The following SNTG1 variants were observed in gnomAD, a reference collection of about 807,000 sequenced individuals.
SNTG1 encodes syntrophin gamma 1.
Under a neutral mutation model 74.7 loss-of-function variants are expected in SNTG1, and 39 were observed. The ratio of observed to expected loss-of-function variants is 0.52; its 90% CI spans 0.40 to 0.68. SNTG1 has a LOEUF of 0.68. Among genes scored for constraint, SNTG1 ranks in the 30% least tolerant of loss-of-function variants. The probability of loss-of-function intolerance (pLI) is 0.00; values close to 1 mark genes in which losing one functional copy is unlikely to be tolerated. For synonymous variants in SNTG1, 254 were observed against 217.1 expected, an observed-to-expected ratio of 1.17 and a Z score of -1.49; for missense variants, 685 against 609.5, an observed-to-expected ratio of 1.12 and a Z score of -1.30.
intron 2 of SNTG1, among the ~76,000 whole-genome samples, chr8:50,319,056 A>G (rs35370354): frequency 1.3e-5 from 2 of 152,068 alleles, no homozygotes; most frequent in African/African-American, 4.8e-5. Context: ...ATCTATGTAT[A>G]CAGATATATA....
chr8:50,462,945 T>C (rs925565855), intron 8 of SNTG1, among the ~76,000 whole-genome samples: 1 of 151,430 alleles, frequency 6.6e-6, no homozygotes, highest in Non-Finnish European at 1.5e-5. Flanking sequence ...GCCTCCCAAG[T>C]AGCTCGGACT....
intron 2 of SNTG1, among the ~76,000 whole-genome samples, chr8:50,255,484 C>T (rs2086839826): frequency 6.6e-6 from 1 of 152,054 alleles, no homozygotes. Context: ...CCTCATAGTT[C>T]TAGAGACTAG....
At chr8:50,415,143 G>A (rs531302694) in intron 4 of SNTG1, among the ~76,000 whole-genome samples, 2 of 152,162 alleles carry the variant, frequency 1.3e-5, no homozygotes, top group African/African-American at 2.4e-5. Flanking sequence ...GAAATTTTTC[G>A]TGAGTGAACA....
At chr8:50,353,915 C>G (rs534700267) in intron 2 of SNTG1, among the ~76,000 whole-genome samples, 52 of 152,312 alleles carry the variant, frequency 3.4e-4, no homozygotes, top group African/African-American at 1.2e-3. Flanking sequence ...AGTATTTTAA[C>G]TGGTCTCAAA....
In SNTG1 at chr8:50,450,605, C is replaced by T. The variant is rs1433257453; in HGVS notation, c.321+6C>T. Reference sequence around the variant, plus strand: ...TTGGAGATGCAATTCTACAGGTATACATTTTATCACTATATGTGTGGTCAA... The same window carrying T: ...TTGGAGATGCAATTCTACAGGTATATATTTTATCACTATATGTGTGGTCAA... On this transcript the variant is annotated splice_donor_region_variant and intron_variant, in intron 7 of 18. Transcript: ENST00000642720. 9 of 1,613,352 alleles carry T rather than the reference C, an allele frequency of 5.6e-6. No homozygotes were observed. Among genetic ancestry groups the T allele is most frequent in the Middle Eastern group, 1.6e-4 (1 of 6,076 alleles).
intron 1 of SNTG1, among the ~76,000 whole-genome samples, chr8:50,023,587 T>C (rs921647765): frequency 6.6e-6 from 1 of 152,174 alleles, no homozygotes; most frequent in African/African-American, 2.4e-5. Flanking sequence ...GAAAATTTCA[T>C]GCCATTCCTG....
intron 12 of SNTG1, 25 bp from the exon 13 acceptor site, chr8:50,590,853 CT>C: frequency 6.8e-7 from 1 of 1,473,938 alleles, no homozygotes; most frequent in Non-Finnish European, 9.3e-7. Context: ...GTTCTTCTCA[CT>C]TTTATTATTT....
chr8:50,662,215 A>G (rs932403998), intron 15 of SNTG1, among the ~76,000 whole-genome samples: 2 of 152,206 alleles, frequency 1.3e-5, no homozygotes, highest in African/African-American at 4.8e-5. Flanking sequence ...TTCTGCCTCC[A>G]GAAAATGGAT....
At chr8:50,410,255 G>T (rs146087559) in intron 4 of SNTG1, among the ~76,000 whole-genome samples, 40 of 152,248 alleles carry the variant, frequency 2.6e-4, no homozygotes, top group African/African-American at 9.4e-4. Flanking sequence ...GGGAGGCATG[G>T]TGTGTGCAGG....
At chr8:50,015,188 G>A (rs1361089805) in intron 1 of SNTG1, among the ~76,000 whole-genome samples, 2 of 151,940 alleles carry the variant, frequency 1.3e-5, no homozygotes, top group Non-Finnish European at 2.9e-5. Context: ...TCAAGAAAGA[G>A]ATCAAAATAA....
At chr8:50,112,236 G>A (rs1245413771) in intron 1 of SNTG1, among the ~76,000 whole-genome samples, 1 of 151,992 alleles carries the variant, frequency 6.6e-6, no homozygotes, top group Non-Finnish European at 1.5e-5. Flanking sequence ...TATAATTTTA[G>A]TTAATTAAAT....
intron 1 of SNTG1, among the ~76,000 whole-genome samples, chr8:49,935,151 G>C (rs1446685053): frequency 6.6e-6 from 1 of 151,098 alleles, no homozygotes; most frequent in Non-Finnish European, 1.5e-5. Flanking sequence ...ACTTATTCCA[G>C]ACTTGCTAAA....
intron 1 of SNTG1, among the ~76,000 whole-genome samples, chr8:50,137,339 C>T (rs1215197708): frequency 6.6e-6 from 1 of 152,126 alleles, no homozygotes; most frequent in African/African-American, 2.4e-5. Flanking sequence ...TCTGAGTCCC[C>T]CATCTCATTG....
At chr8:50,672,203 A>T (rs1181479006) in intron 15 of SNTG1, among the ~76,000 whole-genome samples, 2 of 151,852 alleles carry the variant, frequency 1.3e-5, no homozygotes, top group Admixed American at 6.6e-5. Flanking sequence ...ATAATAATAA[A>T]AAAAAATGTC....
chr8:49,926,684 A>G (rs1807059815), intron 1 of SNTG1, among the ~76,000 whole-genome samples: 1 of 152,178 alleles, frequency 6.6e-6, no homozygotes, highest in African/African-American at 2.4e-5. Flanking sequence ...TGGTATGGCA[A>G]TGACTTTTTG....
chr8:50,601,189 TGTTAG>T (rs2094772462), intron 13 of SNTG1, among the ~76,000 whole-genome samples: 1 of 113,748 alleles, frequency 8.8e-6, no homozygotes, highest in Non-Finnish European at 1.6e-5. Flanking sequence ...AAAAAAGACA[TGTTAG>T]GCTATTAAGC....
chr8:49,943,016 C>T (rs959443997), intron 1 of SNTG1, among the ~76,000 whole-genome samples: 3 of 152,200 alleles, frequency 2.0e-5, no homozygotes, highest in African/African-American at 7.2e-5. Context: ...TCCTCTCCAC[C>T]ATTTGATGTT....
intron 1 of SNTG1, among the ~76,000 whole-genome samples, chr8:50,080,141 TA>T: frequency 6.6e-6 from 1 of 152,146 alleles, no homozygotes; most frequent in Admixed American, 6.5e-5. Flanking sequence ...TTATGAATTA[TA>T]AAAGTTTTAT....
chr8:50,379,889 T>C (rs2092453088), intron 2 of SNTG1, among the ~76,000 whole-genome samples: 1 of 152,170 alleles, frequency 6.6e-6, no homozygotes, highest in South Asian at 2.1e-4. Context: ...TGTGATCTTG[T>C]AATGAGAGAA....
Sources: gnomAD v4.1 joint callset for allele counts (sites outside exome capture counted in the v4.1 genomes callset) on GRCh38, gnomAD v4.1.1 for gene constraint, MANE v1.5 for transcripts, NCBI Gene and HGNC (gene_info 2026-07-23, HGNC 2026-07-21) for gene names.